The following PCDHA13 variants were observed in gnomAD, a reference collection of about 807,000 sequenced individuals.
PCDHA13 encodes the protein protocadherin alpha 13, also known as protocadherin alpha-13.
In PCDHA13, 54 loss-of-function variants were observed where a neutral mutation model predicts 64.8. The observed-to-expected ratio is 0.83, with a 90% CI of 0.67 to 1.04. PCDHA13 has a LOEUF of 1.04. Among genes scored for constraint, PCDHA13 ranks in the 50% least tolerant of loss-of-function variants. The pLI is 0.00. For missense variants in PCDHA13, 1,248 were observed against 1,254.3 expected, an observed-to-expected ratio of 0.99 and a Z score of 0.08; for synonymous variants, 587 against 564.4, an observed-to-expected ratio of 1.04 and a Z score of -0.57.
chr5:140,946,611 A>AATATATATATATATATATAT lies in PCDHA13; in HGVS notation c.2395-32336_2395-32317dup, dbSNP rs1554217734. On this transcript the variant is annotated intron_variant, in intron 1 of 3. Transcript: ENST00000289272. ...GGATGAATAGATAAAGAAAATGTGA[A>AATATATATATATATATATAT]ATATATATATATATATATATACAAT... Among the ~76,000 whole-genome samples the AATATATATATATATATATAT allele has an allele frequency of 2.4e-3, 212 of 86,734 alleles. 8 individuals carry two copies. Among genetic ancestry groups the AATATATATATATATATATAT allele is most frequent in the Middle Eastern group, 0.011 (2 of 186 alleles). The allele number at this position is 86,734 out of a possible 152,430, so 56.9% of individuals were successfully genotyped here.
At position 141,010,234 on chromosome 5, in the gene PCDHA13, T is replaced by C. The variant is rs1455330920; in HGVS notation, c.*297T>C. 1 of 1,551,824 alleles carries C rather than the reference T, an allele frequency of 6.4e-7. No individual in the cohort carries two copies. Among genetic ancestry groups the C allele is most frequent in the Non-Finnish European group, 8.7e-7 (1 of 1,147,042 alleles). On this transcript the variant is annotated 3_prime_UTR_variant, in exon 4 of 4. Transcript: ENST00000289272. ...AGGAGAGGCTTCCCAGCCCCGCCAG[T>C]GAGAGGTTGGACTCTCTGCCCTGTG...
chr5:141,006,872 G>T (rs1211849672), intron 3 of PCDHA13, among the ~76,000 whole-genome samples: 1 of 152,144 alleles, frequency 6.6e-6, no homozygotes, highest in Non-Finnish European at 1.5e-5. Flanking sequence ...ATAGATTCGA[G>T]GAATCAAGAG....
chr5:140,916,188 G>A (rs1288181230), intron 1 of PCDHA13, among the ~76,000 whole-genome samples: 2 of 152,208 alleles, frequency 1.3e-5, no homozygotes, highest in East Asian at 3.9e-4. Context: ...TCAAGGAAGT[G>A]GGCACCCCTC....
At chr5:140,939,590 C>G (rs1385974524) in intron 1 of PCDHA13, among the ~76,000 whole-genome samples, 1 of 152,052 alleles carries the variant, frequency 6.6e-6, no homozygotes, top group African/African-American at 2.4e-5. Flanking sequence ...TTTTAACATA[C>G]CTTGCTCAAA....
intron 1 of PCDHA13, among the ~76,000 whole-genome samples, chr5:140,893,662 A>C (rs1462433571): frequency 6.6e-6 from 1 of 152,204 alleles, no homozygotes; most frequent in Non-Finnish European, 1.5e-5. Flanking sequence ...GTTTTAAAAA[A>C]TTTCAGCACT....
intron 1 of PCDHA13, among the ~76,000 whole-genome samples, chr5:140,946,597 T>A (rs952488909): frequency 1.5e-5 from 2 of 137,412 alleles, no homozygotes; most frequent in Admixed American, 7.5e-5. Context: ...GATGAATAGA[T>A]AAAGAAAATG....
intron 1 of PCDHA13, among the ~76,000 whole-genome samples, chr5:140,909,668 CA>C (rs1554193872): frequency 6.6e-6 from 1 of 152,162 alleles, no homozygotes; most frequent in Non-Finnish European, 1.5e-5. Context: ...CTCACTCTAC[CA>C]GTCAGGGAGC....
Position 140,883,573 on chromosome 5 carries a change from G to C in PCDHA13, c.1305G>C (p.Leu435=). The change falls in exon 1 of 4, where the codon CTG becomes CTC. Residue 435 remains leucine (L), a synonymous_variant. Coordinates refer to ENST00000289272, the MANE Select transcript of PCDHA13 (RefSeq NM_018904.3). The part of the protein sequence containing the change: ...VTARDGGSPS[L]WATASVSVGV... ...CGCGGGACGGGGGCTCGCCTTCGCT[G>C]TGGGCCACGGCCAGCGTGTCGGTGG... The C allele has an allele frequency of 4.3e-6, 7 of 1,614,076 alleles. No homozygotes were observed. Among genetic ancestry groups the C allele is most frequent in the Non-Finnish European group, 5.9e-6 (7 of 1,179,996 alleles).
intron 1 of PCDHA13, among the ~76,000 whole-genome samples, chr5:140,935,731 T>C (rs923257790): frequency 2.6e-5 from 4 of 152,202 alleles, no homozygotes; most frequent in Non-Finnish European, 4.4e-5. Context: ...AGAAGTCTAG[T>C]ATCTATTATT....
chr5:140,900,143 G>C (rs1198470231), intron 1 of PCDHA13, among the ~76,000 whole-genome samples: 2 of 152,156 alleles, frequency 1.3e-5, no homozygotes, highest in African/African-American at 2.4e-5. Flanking sequence ...AAATAAGTAA[G>C]AACATACGAT....
intron 1 of PCDHA13, among the ~76,000 whole-genome samples, chr5:140,971,657 G>A (rs961666289): frequency 1.3e-5 from 2 of 151,992 alleles, no homozygotes; most frequent in African/African-American, 4.8e-5. Flanking sequence ...AAGTAGATGG[G>A]AATTAGAGAG....
At chr5:140,989,565 G>A (rs782538666) in intron 3 of PCDHA13, among the ~76,000 whole-genome samples, 12 of 152,134 alleles carry the variant, frequency 7.9e-5, no homozygotes, top group South Asian at 4.1e-4. Context: ...TTGTGGCTCC[G>A]GCAAGCCCTG....
intron 1 of PCDHA13, among the ~76,000 whole-genome samples, chr5:140,895,558 A>G (rs1449174455): frequency 6.6e-6 from 1 of 152,154 alleles, no homozygotes; most frequent in Non-Finnish European, 1.5e-5. Context: ...AGTTCTTTAT[A>G]TATTCTAGAT....
At position 140,882,702 on chromosome 5, in the gene PCDHA13, C is replaced by T. The variant is rs2059269414; in HGVS notation, c.434C>T (p.Ser145Phe). Residue 145 changes from serine to phenylalanine, a missense_variant, in exon 1 of 4, where the codon TCT becomes TTT. Physicochemically the swap from Ser to Phe is radical, Grantham distance 155 (BLOSUM62 -2). Transcript: ENST00000289272. ...ESKKRIIIAESRPPETRFPLD... is the reference protein window; with the variant it reads ...ESKKRIIIAEFRPPETRFPLD... ...AAGAAACGAATAATCATTGCAGAAT[C>T]TAGACCTCCGGAAACTCGATTTCCA... 6.2e-7 allele frequency: 1 copy of T among 1,614,098 alleles called. No homozygotes were observed. Among genetic ancestry groups the T allele is most frequent in the African/African-American group, 1.3e-5 (1 of 74,930 alleles).
chr5:140,919,847 G>A (rs1309572866), intron 1 of PCDHA13, among the ~76,000 whole-genome samples: 1 of 152,200 alleles, frequency 6.6e-6, no homozygotes, highest in East Asian at 1.9e-4. Flanking sequence ...TTTGGAACCT[G>A]TGACCTCATT....
intron 1 of PCDHA13, among the ~76,000 whole-genome samples, chr5:140,956,772 GT>G (rs2095308990): frequency 6.6e-6 from 1 of 152,202 alleles, no homozygotes; most frequent in African/African-American, 2.4e-5. Context: ...AATCTGTCTG[GT>G]CCTGGGCTTT....
Position 140,883,896 on chromosome 5 carries a change from C to G in PCDHA13, c.1628C>G (p.Pro543Arg), listed in dbSNP as rs199847007. 1 of 1,613,386 alleles carries G rather than the reference C, an allele frequency of 6.2e-7. No individual in the cohort carries two copies. The highest frequency in any genetic ancestry group is 1.3e-5 in the African/African-American group (1 of 75,022). ...GTGAGCGCGCGCGACTCTGGCGTGC[C>G]GCCTCTGGGCAGCAACGTGACGCTG... Reference protein sequence around the residue: ...FQVSARDSGVPPLGSNVTLQV... With the variant: ...FQVSARDSGVRPLGSNVTLQV... Residue 543 changes from proline (P) to arginine (R), a missense_variant, in exon 1 of 4, where the codon CCG (proline) becomes CGG (arginine). By Grantham distance (103) the Pro-to-Arg change is moderately radical (BLOSUM62 -2). Coordinates refer to ENST00000289272, the MANE Select transcript of PCDHA13 (RefSeq NM_018904.3).
chr5:140,975,099 A>G (rs540357854), intron 1 of PCDHA13, among the ~76,000 whole-genome samples: 1 of 152,152 alleles, frequency 6.6e-6, no homozygotes, highest in Non-Finnish European at 1.5e-5. Flanking sequence ...TTGTTTGGGG[A>G]CTGAGATCTC....
At chr5:140,995,214 CTCT>C (rs1563606225) in intron 3 of PCDHA13, among the ~76,000 whole-genome samples, 1 of 152,136 alleles carries the variant, frequency 6.6e-6, no homozygotes, top group East Asian at 1.9e-4. Flanking sequence ...AGGCACAATA[CTCT>C]TGTGCTTTGG....
Sources: allele counts gnomAD v4.1 joint callset (sites outside exome capture counted in the v4.1 genomes callset), GRCh38; gene constraint gnomAD v4.1.1; transcripts MANE v1.5; gene names NCBI Gene and HGNC (gene_info 2026-07-23, HGNC 2026-07-21).